PSD3: variants seen among roughly 807,000 people sequenced by gnomAD.
PSD3 encodes the protein pleckstrin and Sec7 domain containing 3, also known as PH and SEC7 domain-containing protein 3.
PSD3 carries 49 observed loss-of-function variants against 105.5 expected under a neutral mutation model. The observed-to-expected ratio is 0.46, with a 90% CI of 0.37 to 0.59. The LOEUF (loss-of-function observed/expected upper bound fraction) is 0.59, where lower values mean the gene tolerates loss of function less well. PSD3 is among the 20% of genes least tolerant of loss of function. The pLI is 0.00. For missense variants in PSD3, 1,561 were observed against 1,263.8 expected, an observed-to-expected ratio of 1.24 and a Z score of -3.57; for synonymous variants, 557 against 457.8, an observed-to-expected ratio of 1.22 and a Z score of -2.77.
At chr8:18,682,840 C>G (rs1416604901) in intron 9 of PSD3, among the ~76,000 whole-genome samples, 1 of 152,048 alleles carries the variant, frequency 6.6e-6, no homozygotes, top group Admixed American at 6.5e-5. Flanking sequence ...AGCCTGATGT[C>G]ACTCTCAGTG....
At chr8:18,920,034 A>C (rs1211336266) in intron 2 of PSD3, among the ~76,000 whole-genome samples, 2 of 145,890 alleles carry the variant, frequency 1.4e-5, no homozygotes, top group Non-Finnish European at 3.1e-5. Context: ...AAAAAAAACA[A>C]TCACAAAAAA....
intron 2 of PSD3, among the ~76,000 whole-genome samples, chr8:18,892,288 ATCTTG>A (rs1818844242): frequency 1.3e-5 from 2 of 150,410 alleles, no homozygotes; most frequent in Non-Finnish European, 2.9e-5. Context: ...CAGTGGTGCT[ATCTTG>A]GCTCAATGCA....
chr8:19,008,441 A>G (rs1026477277), intron 1 of PSD3, among the ~76,000 whole-genome samples: 3 of 152,200 alleles, frequency 2.0e-5, no homozygotes, highest in African/African-American at 7.2e-5. Context: ...ACAGTCACGA[A>G]GACAGCAGCC....
In PSD3 at chr8:18,565,737, G is replaced by T. The variant is rs974920435; in HGVS notation, c.2784+6791C>A. On this transcript the variant is annotated intron_variant, in intron 14 of 15. Transcript: ENST00000327040. ...GTCAGAGCCAGGTTGTGGGAGTATG[G>T]GGAAAAAAAGATAGCTGGTCTCACG... Among the ~76,000 whole-genome samples, 7 of 152,140 alleles carry T rather than the reference G, an allele frequency of 4.6e-5. No homozygotes were observed. The South Asian group carries it at 8.3e-4, about 18-fold the overall frequency.
intron 8 of PSD3, among the ~76,000 whole-genome samples, chr8:18,770,699 G>C (rs1042066116): frequency 6.6e-6 from 1 of 152,240 alleles, no homozygotes; most frequent in African/African-American, 2.4e-5. Context: ...AGTCCCAGAG[G>C]AAGTGTTTGG....
intron 6 of PSD3, chr8:18,802,235 C>A: frequency 8.3e-6 from 2 of 241,574 alleles, no homozygotes; most frequent in East Asian, 9.5e-5. Context: ...ATAAAAATAT[C>A]TTTAAATTAT....
chr8:18,719,138 A>T (rs1460178617), intron 9 of PSD3, among the ~76,000 whole-genome samples: 2 of 152,320 alleles, frequency 1.3e-5, no homozygotes, highest in African/African-American at 2.4e-5. Flanking sequence ...CCTGCTTCAG[A>T]AGCGCTCTGC....
intron 2 of PSD3, among the ~76,000 whole-genome samples, chr8:18,923,635 GC>G (rs1821172977): frequency 1.3e-5 from 2 of 152,100 alleles, no homozygotes; most frequent in African/African-American, 2.4e-5. Flanking sequence ...GAAAAAACAG[GC>G]TAAGCCATAG....
At chr8:19,081,791 AAAG>A (rs1194091936) in intron 1 of PSD3, among the ~76,000 whole-genome samples, 1 of 152,198 alleles carries the variant, frequency 6.6e-6, no homozygotes, top group Non-Finnish European at 1.5e-5. Flanking sequence ...TGAATCCTGC[AAAG>A]AAGAAAGTTT....
At chr8:18,666,467 T>C (rs1315140503) in intron 9 of PSD3, among the ~76,000 whole-genome samples, 1 of 152,250 alleles carries the variant, frequency 6.6e-6, no homozygotes, top group Non-Finnish European at 1.5e-5. Flanking sequence ...CTCCAAGGTC[T>C]GCCTGTTTAA....
chr8:18,611,618 G>C (rs908811614), intron 11 of PSD3, among the ~76,000 whole-genome samples: 3 of 151,992 alleles, frequency 2.0e-5, no homozygotes, highest in Non-Finnish European at 4.4e-5. Flanking sequence ...GATACTGTCT[G>C]CTAAAGAAAA....
At chr8:18,852,675 C>A (rs1815686148) in intron 4 of PSD3, among the ~76,000 whole-genome samples, 1 of 152,192 alleles carries the variant, frequency 6.6e-6, no homozygotes, top group Non-Finnish European at 1.5e-5. Flanking sequence ...GAGACGAGAA[C>A]AGAGGTGCTA....
chr8:18,752,528 A>AACTATATATTACATAT (rs1563225127), intron 9 of PSD3, among the ~76,000 whole-genome samples: 5 of 49,408 alleles, frequency 1.0e-4, no homozygotes, highest in African/African-American at 5.1e-4. Context: ...TAATATATAT[A>AACTATATATTACATAT]ATTATATATT....
intron 14 of PSD3, among the ~76,000 whole-genome samples, chr8:18,559,959 T>G (rs17517722): frequency 0.11 from 16,359 of 152,260 alleles, 947 homozygotes; most frequent in South Asian, 0.22. Flanking sequence ...GAGGAAGTGC[T>G]GATGTTCAAT....
At chr8:18,657,464 T>C (rs1808986131) in intron 9 of PSD3, among the ~76,000 whole-genome samples, 1 of 152,226 alleles carries the variant, frequency 6.6e-6, no homozygotes, top group Non-Finnish European at 1.5e-5. Flanking sequence ...TCACATTTTA[T>C]ATTTTTCAGG....
chr8:18,971,594 C>T (rs186988009), intron 1 of PSD3, among the ~76,000 whole-genome samples: 81 of 152,268 alleles, frequency 5.3e-4, no homozygotes, highest in African/African-American at 1.6e-3. Context: ...GTTTGAGTCC[C>T]GCCTCACATC....
intron 11 of PSD3, among the ~76,000 whole-genome samples, chr8:18,610,390 A>G (rs764711079): frequency 2.0e-5 from 3 of 152,188 alleles, no homozygotes; most frequent in Non-Finnish European, 4.4e-5. Flanking sequence ...CTGTATTCAA[A>G]TAAGGTACGT....
intron 12 of PSD3, among the ~76,000 whole-genome samples, chr8:18,591,047 T>C (rs149453353): frequency 7.9e-5 from 12 of 152,244 alleles, no homozygotes; most frequent in Middle Eastern, 3.4e-3. Context: ...CCAATAAAAA[T>C]ATTGAGTAAT....
intron 1 of PSD3, among the ~76,000 whole-genome samples, chr8:19,075,476 T>C (rs1418698042): frequency 1.3e-5 from 2 of 152,248 alleles, no homozygotes; most frequent in African/African-American, 4.8e-5. Context: ...TGTTGCTATA[T>C]TCTTTCCTAA....
Sources: allele counts gnomAD v4.1 joint callset (sites outside exome capture counted in the v4.1 genomes callset), GRCh38; gene constraint gnomAD v4.1.1; transcripts MANE v1.5; gene names NCBI Gene and HGNC (gene_info 2026-07-23, HGNC 2026-07-21).